Variants in CNTNAP2 observed in about 807,000 individuals in gnomAD.
The protein encoded by CNTNAP2 is contactin-associated protein-like 2.
Under a neutral mutation model 155.2 loss-of-function variants are expected in CNTNAP2, and 98 were observed. That is an observed-to-expected ratio of 0.63 (90% CI 0.54 to 0.75). The LOEUF (loss-of-function observed/expected upper bound fraction) is 0.75. Ranked by LOEUF, CNTNAP2 falls within the 30% of genes least tolerant of loss-of-function variation. The pLI, the probability that CNTNAP2 is intolerant of heterozygous loss-of-function variation, is 0.00. For missense variants in CNTNAP2, 1,727 were observed against 1,688.1 expected (o/e 1.02, Z -0.40); for synonymous variants, 651 against 631.2 (o/e 1.03, Z -0.47).
intron 1 of CNTNAP2, among the ~76,000 whole-genome samples, chr7:146,567,360 T>C (rs1329205862): frequency 6.6e-6 from 1 of 152,156 alleles, no homozygotes; most frequent in Non-Finnish European, 1.5e-5. Context: ...ACTATATGAA[T>C]ACCTTCAAAG....
At chr7:146,309,829 A>AAAGGAAGGAAGGAAGGAAGG (rs370487767) in intron 1 of CNTNAP2, among the ~76,000 whole-genome samples, 71 of 148,924 alleles carry the variant, frequency 4.8e-4, no homozygotes, top group African/African-American at 7.9e-4. Flanking sequence ...AGAAGAAAGG[A>AAAGGAAGGAAGGAAGGAAGG]AAGGAAGGAA....
intron 10 of CNTNAP2, among the ~76,000 whole-genome samples, chr7:147,472,804 A>G (rs1239791442): frequency 1.3e-5 from 2 of 152,208 alleles, no homozygotes; most frequent in Non-Finnish European, 2.9e-5. Context: ...GATGAGGGTG[A>G]GCAGAGGAGT....
chr7:148,245,383 T>A (rs139760399), intron 20 of CNTNAP2, among the ~76,000 whole-genome samples: 7 of 152,302 alleles, frequency 4.6e-5, no homozygotes, highest in African/African-American at 1.7e-4. Flanking sequence ...GTACTTATGG[T>A]GGGATCCCAC....
chr7:146,227,463 A>G (rs1047330066), intron 1 of CNTNAP2, among the ~76,000 whole-genome samples: 5 of 151,574 alleles, frequency 3.3e-5, no homozygotes, highest in African/African-American at 1.2e-4. Context: ...AAAGAAAAAA[A>G]TCTTTAAGGA....
At chr7:147,176,155 T>G (rs28522605) in intron 8 of CNTNAP2, among the ~76,000 whole-genome samples, 4 of 152,136 alleles carry the variant, frequency 2.6e-5, no homozygotes, top group African/African-American at 9.7e-5. Context: ...AATGAGGACC[T>G]TTTGGAAGTT....
intron 13 of CNTNAP2, among the ~76,000 whole-genome samples, chr7:147,820,290 T>A (rs1213202445): frequency 6.6e-6 from 1 of 152,114 alleles, no homozygotes; most frequent in African/African-American, 2.4e-5. Flanking sequence ...TTATTGGTTA[T>A]TGCATGTCTT....
intron 14 of CNTNAP2, among the ~76,000 whole-genome samples, chr7:147,941,833 C>A (rs1451977426): frequency 6.6e-6 from 1 of 152,122 alleles, no homozygotes; most frequent in East Asian, 1.9e-4. Context: ...TCACTCTTTC[C>A]TGGGTGAATA....
At position 146,735,954 on chromosome 7, in the gene CNTNAP2, T is replaced by C. The variant is rs184297983; in HGVS notation, c.98-38317T>C. ...TGATAAATGTTCCAAGTGACAGATA[T>C]GCTACTTACTCTGATTTGATCATTA... is the stretch of plus-strand genomic sequence containing the variant. On this transcript the variant is annotated intron_variant, in intron 1 of 23. Transcript: ENST00000361727. Among the ~76,000 whole-genome samples, 789 of 152,270 alleles carry C rather than the reference T, an allele frequency of 5.2e-3. 4 individuals carry two copies. The highest frequency in any genetic ancestry group is 0.018 in the African/African-American group (748 of 41,550).
chr7:147,842,220 A>G (rs907793966), intron 13 of CNTNAP2, among the ~76,000 whole-genome samples: 4 of 152,262 alleles, frequency 2.6e-5, no homozygotes, highest in African/African-American at 9.6e-5. Flanking sequence ...AAGGTCACAT[A>G]GGTAGTAAGT....
Position 146,670,587 on chromosome 7 carries a change from G to A in CNTNAP2, c.98-103684G>A, listed in dbSNP as rs139759933. ...AAACAGAGACTTTTCCACAAACTTG[G>A]GAAGTGAATAGAAGCAATCCACTTT... On this transcript the variant is annotated intron_variant, in intron 1 of 23. Coordinates refer to ENST00000361727, the MANE Select transcript of CNTNAP2 (RefSeq NM_014141.6). Among the ~76,000 whole-genome samples, 99 of 152,234 alleles carry A rather than the reference G, an allele frequency of 6.5e-4. 1 individual carries two copies. In the East Asian group the frequency reaches 0.011, roughly 18 times the overall value.
chr7:147,838,226 C>A (rs183025385), intron 13 of CNTNAP2, among the ~76,000 whole-genome samples: 31 of 152,236 alleles, frequency 2.0e-4, no homozygotes, highest in African/African-American at 7.2e-4. Context: ...CCTGGGGCCA[C>A]CCCACGAAAC....
chr7:147,401,931 G>A (rs754525969), intron 10 of CNTNAP2, among the ~76,000 whole-genome samples: 2 of 147,436 alleles, frequency 1.4e-5, no homozygotes, highest in Non-Finnish European at 3.1e-5. Flanking sequence ...ATAGCAACGT[G>A]AAAATGGACT....
At chr7:146,595,436 A>G (rs1798846016) in intron 1 of CNTNAP2, among the ~76,000 whole-genome samples, 1 of 152,076 alleles carries the variant, frequency 6.6e-6, no homozygotes, top group Non-Finnish European at 1.5e-5. Context: ...TTATTCCTTA[A>G]GAGGAATATT....
At chr7:146,713,341 C>A (rs1801131433) in intron 1 of CNTNAP2, among the ~76,000 whole-genome samples, 1 of 152,120 alleles carries the variant, frequency 6.6e-6, no homozygotes, top group Admixed American at 6.6e-5. Flanking sequence ...CCATCATTTG[C>A]ACTAAATGGT....
chr7:146,502,225 A>ATATATATG (rs1491498647), intron 1 of CNTNAP2, among the ~76,000 whole-genome samples: 1 of 4,750 alleles, frequency 2.1e-4, no homozygotes, highest in South Asian at 0.011. Context: ...ATATATATGA[A>ATATATATG]TATATATATA....
In CNTNAP2 at chr7:148,263,227, A is replaced by G. The variant is rs551301731; in HGVS notation, c.3382-3806A>G. The G allele has an allele frequency of 1.0e-3, 158 of 152,272 alleles. 1 individual carries two copies. Among genetic ancestry groups the G allele is most frequent in the African/African-American group, 3.8e-3 (156 of 41,538 alleles). 9.4% of individuals were successfully genotyped at this position (152,272 alleles called of 1,614,324 possible). On this transcript the variant is annotated intron_variant, in intron 20 of 23. Coordinates refer to ENST00000361727, the MANE Select transcript of CNTNAP2 (RefSeq NM_014141.6). ...TCCTCGTCACTTCTCATATTTTCCT[A>G]ACTGAGCAGGTAATTTGGATTAGAA...
chr7:147,693,172 A>G (rs1193501925), intron 13 of CNTNAP2, among the ~76,000 whole-genome samples: 1 of 152,010 alleles, frequency 6.6e-6, no homozygotes, highest in African/African-American at 2.4e-5. Context: ...ACACAGATGT[A>G]TTCCTGGGTT....
At chr7:146,449,486 A>G (rs1025328376) in intron 1 of CNTNAP2, among the ~76,000 whole-genome samples, 1 of 152,130 alleles carries the variant, frequency 6.6e-6, no homozygotes, top group Non-Finnish European at 1.5e-5. Context: ...CAATGAACCT[A>G]TCTTTTCTCT....
chr7:148,324,509 G>A (rs1270793526), intron 21 of CNTNAP2, among the ~76,000 whole-genome samples: 1 of 152,082 alleles, frequency 6.6e-6, no homozygotes, highest in Non-Finnish European at 1.5e-5. Context: ...AGAGAGTAGG[G>A]ATCTGAGGTC....
Sources: allele counts gnomAD v4.1 joint callset (sites outside exome capture counted in the v4.1 genomes callset), GRCh38; gene constraint gnomAD v4.1.1; transcripts MANE v1.5; gene names NCBI Gene and HGNC (gene_info 2026-07-23, HGNC 2026-07-21).